NATD1: variants seen among roughly 807,000 people sequenced by gnomAD.
The protein encoded by NATD1 is N-acetyltransferase domain containing 1.
Under a neutral mutation model 12.0 loss-of-function variants are expected in NATD1, and 9 were observed. That is an observed-to-expected ratio of 0.75 (90% confidence interval 0.45 to 1.30). The LOEUF (loss-of-function observed/expected upper bound fraction) is 1.30, where lower values mean the gene tolerates loss of function less well. Ranked by LOEUF, NATD1 falls within the 50% of genes most tolerant of loss-of-function variation. NATD1 has a pLI of 0.00. For synonymous variants in NATD1, 71 were observed against 65.9 expected (o/e 1.08, Z -0.37); for missense variants, 148 against 148.5 (o/e 1.00, Z 0.02).
chr17:21,248,950 A>T (rs1019388679), intron 1 of NATD1, among the ~76,000 whole-genome samples: 3 of 151,980 alleles, frequency 2.0e-5, no homozygotes, highest in Admixed American at 2.0e-4. Flanking sequence ...GCATCACGTG[A>T]CTGGTTTGGG....
At chr17:21,252,853 C>G (rs1377349062) in intron 1 of NATD1, among the ~76,000 whole-genome samples, 1 of 152,056 alleles carries the variant, frequency 6.6e-6, no homozygotes, top group Non-Finnish European at 1.5e-5. Flanking sequence ...GCTCCTGCCT[C>G]TGCCTTTCCA....
At chr17:21,249,186 A>T (rs1241078785) in intron 1 of NATD1, among the ~76,000 whole-genome samples, 2 of 152,140 alleles carry the variant, frequency 1.3e-5, no homozygotes, top group African/African-American at 4.8e-5. Context: ...CTCGGCCCAC[A>T]CTGACCCCGC....
At chr17:21,248,196 G>A (rs1260739953) in intron 1 of NATD1, among the ~76,000 whole-genome samples, 1 of 152,144 alleles carries the variant, frequency 6.6e-6, no homozygotes, top group African/African-American at 2.4e-5. Flanking sequence ...CCCCACCTTG[G>A]AGGGCCTTCA....
intron 1 of NATD1, among the ~76,000 whole-genome samples, chr17:21,251,896 A>C (rs1206927773): frequency 6.6e-6 from 1 of 152,126 alleles, no homozygotes; most frequent in Non-Finnish European, 1.5e-5. Flanking sequence ...GCCCCTAAGG[A>C]CCGGTCCAGC....
chr17:21,245,044 C>T (rs144502596), intron 1 of NATD1, among the ~76,000 whole-genome samples: 417 of 152,160 alleles, frequency 2.7e-3, no homozygotes, highest in African/African-American at 9.3e-3. Flanking sequence ...CCCCATGAAA[C>T]CGGAAGGGGA....
intron 1 of NATD1, among the ~76,000 whole-genome samples, chr17:21,251,438 C>A (rs1048445675): frequency 6.6e-6 from 1 of 152,110 alleles, no homozygotes; most frequent in Admixed American, 6.5e-5. Context: ...CTCCCAGAGT[C>A]GCCAGGGCCC....
At chr17:21,251,657 G>A (rs1268954237) in intron 1 of NATD1, among the ~76,000 whole-genome samples, 3 of 152,196 alleles carry the variant, frequency 2.0e-5, no homozygotes, top group Admixed American at 6.5e-5. Flanking sequence ...TCCCATCCAC[G>A]AAGCTGTAGT....
intron 1 of NATD1, among the ~76,000 whole-genome samples, chr17:21,251,722 G>A (rs1287545574): frequency 2.6e-5 from 4 of 152,230 alleles, no homozygotes; most frequent in African/African-American, 9.6e-5. Flanking sequence ...TCTGGCAGAG[G>A]CCCCTCCTGG....
Position 21,241,277 on chromosome 17 carries a change from G to C in NATD1, c.*2036C>G, listed in dbSNP as rs1455802194. On this transcript the variant is annotated 3_prime_UTR_variant, in exon 3 of 3. Coordinates refer to ENST00000611551, the MANE Select transcript of NATD1 (RefSeq NM_152914.3). ...GGGACCCTCCTGCGGATGGGCTGGA[G>C]GCCACAGGGACATGGCCCCAGCTCA... 1 of 152,284 alleles carries C rather than the reference G, an allele frequency of 6.6e-6. No homozygotes were observed. Among genetic ancestry groups the C allele is most frequent in the Non-Finnish European group, 1.5e-5 (1 of 68,124 alleles). 9.4% of individuals were successfully genotyped at this position (152,284 alleles called of 1,614,324 possible).
At chr17:21,248,951 C>A (rs965517299) in intron 1 of NATD1, among the ~76,000 whole-genome samples, 1 of 152,150 alleles carries the variant, frequency 6.6e-6, no homozygotes, top group African/African-American at 2.4e-5. Context: ...CATCACGTGA[C>A]TGGTTTGGGA....
intron 1 of NATD1, among the ~76,000 whole-genome samples, chr17:21,248,209 G>A (rs768787078): frequency 2.0e-5 from 3 of 152,150 alleles, no homozygotes; most frequent in Admixed American, 6.5e-5. Flanking sequence ...GGCCTTCAAA[G>A]GCCACCCAGT....
chr17:21,249,362 A>G (rs1192791175), intron 1 of NATD1, among the ~76,000 whole-genome samples: 11 of 152,150 alleles, frequency 7.2e-5, no homozygotes, highest in African/African-American at 2.4e-4. Flanking sequence ...GAGGTGCCAC[A>G]TGTTGGTGGT....
rs1220496394 is a variant in NATD1 at position 21,244,328 on chromosome 17, C to T, written c.107-104G>A. On this transcript the variant is annotated intron_variant, in intron 1 of 2. Transcript: ENST00000611551. This position sits in a 1 kb window ranked among gnomAD's most constrained non-coding sequence, Gnocchi z 5.2. ...GGCATTTGGAGTCATTCAGCTGCTACAGCTGAATCCTGAATAACCTCTCAG... is the reference window on the plus strand; with the variant it reads ...GGCATTTGGAGTCATTCAGCTGCTATAGCTGAATCCTGAATAACCTCTCAG... 3 of 897,156 alleles carry T rather than the reference C, an allele frequency of 3.3e-6. No homozygotes were observed. The highest frequency in any genetic ancestry group is 1.7e-5 in the South Asian group (1 of 57,418). The allele number at this position is 897,156 out of a possible 1,614,324, so 55.6% of individuals were successfully genotyped here. A position where few individuals can be genotyped will look rare whatever the true frequency, so the allele number is the denominator to read the frequency against.
chr17:21,252,827 G>A (rs1199229625), intron 1 of NATD1, among the ~76,000 whole-genome samples: 1 of 151,976 alleles, frequency 6.6e-6, no homozygotes, highest in African/African-American at 2.4e-5. Context: ...TGAGACAGGG[G>A]ACCCGCGCTG....
Position 21,242,753 on chromosome 17 carries a change from C to G in NATD1, c.*560G>C, listed in dbSNP as rs1975287732. ...CCTGGCCAGTGCTCAGTCCTTCACT[C>G]TGCTGGTCTCTGTCAGGGAGAGCTG... On this transcript the variant is annotated 3_prime_UTR_variant, in exon 3 of 3. Transcript: ENST00000611551. 6.5e-6 allele frequency: 1 copy of G among 153,392 alleles called. No individual in the cohort carries two copies. Among genetic ancestry groups the G allele is most frequent in the Non-Finnish European group, 1.5e-5 (1 of 68,814 alleles). The allele number at this position is 153,392 out of a possible 1,614,324, so 9.5% of individuals were successfully genotyped here.
chr17:21,243,260 C>G lies in NATD1; in HGVS notation c.*53G>C. 6.7e-7 allele frequency: 1 copy of G among 1,494,806 alleles called. No homozygotes were observed. Among genetic ancestry groups the G allele is most frequent in the Non-Finnish European group, 9.2e-7 (1 of 1,090,172 alleles). The allele number at this position is 1,494,806 out of a possible 1,614,324, so 92.6% of individuals were successfully genotyped here. A position where few individuals can be genotyped will look rare whatever the true frequency, so the allele number is the denominator to read the frequency against. ...GTTCCTGAGAGCACGTGGGGCCAGG[C>G]AAAGGCCACGTGGAAGAGTCCGGCA... On this transcript the variant is annotated 3_prime_UTR_variant, in exon 3 of 3. Coordinates refer to ENST00000611551, the MANE Select transcript of NATD1 (RefSeq NM_152914.3).
At chr17:21,250,426 T>G (rs758446854) in intron 1 of NATD1, among the ~76,000 whole-genome samples, 1 of 152,238 alleles carries the variant, frequency 6.6e-6, no homozygotes, top group African/African-American at 2.4e-5. Context: ...GCACCTCTCA[T>G]GAAAGCCCTT....
In NATD1 at chr17:21,244,290, G is replaced by A. The variant is rs1474968938; in HGVS notation, c.107-66C>T. On this transcript the variant is annotated intron_variant, in intron 1 of 2. Transcript: ENST00000611551. This position sits in a 1 kb window ranked among gnomAD's most constrained non-coding sequence, Gnocchi z 5.2. The stretch of plus-strand genomic sequence containing the variant: ...TCCCAGCGGACTCAGGCACCAAGAC[G>A]GGTGGAGGGACAGGCATTTGGAGTC... 2 of 1,411,650 alleles carry A rather than the reference G, an allele frequency of 1.4e-6. No homozygotes were observed. The highest frequency in any genetic ancestry group is 9.8e-7 in the Non-Finnish European group (1 of 1,021,936). 87.4% of individuals were successfully genotyped at this position (1,411,650 alleles called of 1,614,324 possible).
chr17:21,244,760 G>A lies in NATD1; in HGVS notation c.107-536C>T, dbSNP rs776803190. ...GTGGTAGAGTTCATGAGAAACTGAC[G>A]CTGGGCACAGGAGGCAGGAACAAAC... On this transcript the variant is annotated intron_variant, in intron 1 of 2. Transcript: ENST00000611551. This position sits in a 1 kb window ranked among gnomAD's most constrained non-coding sequence, Gnocchi z 5.2. 9.2e-5 allele frequency among the ~76,000 whole-genome samples: 14 copies of A among 152,214 alleles called. No homozygotes were observed. Among genetic ancestry groups the A allele is most frequent in the Admixed American group, 2.0e-4 (3 of 15,288 alleles).
Sources: allele counts gnomAD v4.1 joint callset (sites outside exome capture counted in the v4.1 genomes callset), GRCh38; gene constraint gnomAD v4.1.1; non-coding constraint Gnocchi (gnomAD v3.1); transcripts MANE v1.5; gene names NCBI Gene and HGNC (gene_info 2026-07-23, HGNC 2026-07-21).